IQGAP1: variants seen among roughly 807,000 people sequenced by gnomAD.
IQGAP1 encodes the protein IQ motif containing GTPase activating protein 1.
In IQGAP1, 66 loss-of-function variants were observed where a neutral mutation model predicts 215.6. The ratio of observed to expected loss-of-function variants is 0.31; its 90% CI spans 0.25 to 0.38. The LOEUF (loss-of-function observed/expected upper bound fraction) is 0.38, where lower values mean the gene tolerates loss of function less well. Ranked by LOEUF, IQGAP1 falls within the 10% of genes least tolerant of loss-of-function variation. The probability of loss-of-function intolerance (pLI) is 1.00; values close to 1 mark genes in which losing one functional copy is unlikely to be tolerated. For missense variants in IQGAP1, 1,712 were observed against 1,997.1 expected (o/e 0.86, Z 2.72); for synonymous variants, 772 against 728.7 (o/e 1.06, Z -0.96).
intron 15 of IQGAP1, among the ~76,000 whole-genome samples, chr15:90,457,760 T>A (rs1965706263): frequency 6.6e-6 from 1 of 152,134 alleles, no homozygotes; most frequent in African/African-American, 2.4e-5. Context: ...AGTGCTTCTA[T>A]GAATTTTTAA....
chr15:90,425,986 G>A (rs1330660743), intron 2 of IQGAP1, 124 bp from the exon 3 acceptor site: 1 of 872,598 alleles, frequency 1.1e-6, no homozygotes, highest in Non-Finnish European at 1.7e-6. Flanking sequence ...GGAACTGATT[G>A]TAAAAGAGTG....
chr15:90,455,783 C>T (rs1281153845), intron 14 of IQGAP1, among the ~76,000 whole-genome samples: 1 of 152,128 alleles, frequency 6.6e-6, no homozygotes, highest in Admixed American at 6.5e-5. Context: ...TTTAAGAACC[C>T]TTGAACCTTT....
At chr15:90,473,842 T>C (rs773761727) in intron 20 of IQGAP1, 44 bp downstream of exon 20, 12 of 1,609,978 alleles carry the variant, frequency 7.5e-6, no homozygotes, top group South Asian at 3.3e-5. Flanking sequence ...GGCACAGGTA[T>C]AACACGTGTT....
chr15:90,429,739 A>G, intron 4 of IQGAP1, 73 bp downstream of exon 4: 2 of 853,162 alleles, frequency 2.3e-6, no homozygotes, highest in Non-Finnish European at 3.7e-6. Context: ...ACCTGTTCTC[A>G]TTCTACCTGT....
chr15:90,479,723 T>C (rs993080497), intron 26 of IQGAP1, among the ~76,000 whole-genome samples: 4 of 152,016 alleles, frequency 2.6e-5, no homozygotes, highest in Admixed American at 2.6e-4. Flanking sequence ...TCCATCCTGG[T>C]TGACAAAAAA....
chr15:90,419,842 C>T (rs989085050), intron 2 of IQGAP1, among the ~76,000 whole-genome samples: 2 of 152,192 alleles, frequency 1.3e-5, no homozygotes, highest in Admixed American at 6.5e-5. Context: ...CCATTTCAGG[C>T]TGGTCAGACC....
At chr15:90,425,985 T>A (rs1965215657) in intron 2 of IQGAP1, 125 bp from the exon 3 acceptor site, 7 of 853,478 alleles carry the variant, frequency 8.2e-6, no homozygotes, top group South Asian at 2.1e-5. Flanking sequence ...TGGAACTGAT[T>A]GTAAAAGAGT....
intron 2 of IQGAP1, among the ~76,000 whole-genome samples, chr15:90,417,692 G>A (rs1167057921): frequency 1.3e-5 from 2 of 152,176 alleles, no homozygotes; most frequent in African/African-American, 2.4e-5. Flanking sequence ...TCTTGGCAAT[G>A]CGGGCTCTTT....
chr15:90,474,574 C>T lies in IQGAP1; in HGVS notation c.2665C>T (p.Leu889Phe). Residue 889 changes from leucine to phenylalanine, a missense_variant, in exon 23 of 38, where the codon CTT becomes TTT. By Grantham distance (22) the Leu-to-Phe change is conservative (BLOSUM62 0). This residue lies in a region of IQGAP1 where 1,021 missense variants were observed against 1,074.2 expected (regional missense o/e 0.95). Coordinates refer to ENST00000268182, the MANE Select transcript of IQGAP1 (RefSeq NM_003870.4). ...SDQDFQEELD[L>F]MKMREEVITL... ...CCAGGATTTTCAGGAGGAGCTTGACCTTATGAAGATGCGGGAAGAGGTTAT... is the reference window on the plus strand; with the variant it reads ...CCAGGATTTTCAGGAGGAGCTTGACTTTATGAAGATGCGGGAAGAGGTTAT... 1.2e-6 allele frequency: 2 copies of T among 1,614,138 alleles called. No individual in the cohort carries two copies. Among genetic ancestry groups the T allele is most frequent in the Non-Finnish European group, 1.7e-6 (2 of 1,180,002 alleles).
rs756199960 is a variant in IQGAP1 at position 90,388,356 on chromosome 15, C to T, written c.15C>T (p.Asp5=). Residue 5 remains aspartate, a synonymous_variant, in exon 1 of 38, where the codon GAC becomes GAT. Coordinates refer to ENST00000268182, the MANE Select transcript of IQGAP1 (RefSeq NM_003870.4). ...GCTCGTCCGCCATGTCCGCCGCAGA[C>T]GAGGTTGACGGGCTGGGCGTGGCCC... The part of the protein sequence containing the change: MSAA[D]EVDGLGVARP... 6.3e-7 allele frequency: 1 copy of T among 1,594,970 alleles called. No homozygotes were observed. Among genetic ancestry groups the T allele is most frequent in the Non-Finnish European group, 8.5e-7 (1 of 1,172,156 alleles).
intron 5 of IQGAP1, among the ~76,000 whole-genome samples, chr15:90,434,634 C>T (rs1230708422): frequency 6.6e-6 from 1 of 152,006 alleles, no homozygotes; most frequent in African/African-American, 2.4e-5. Context: ...GGTGGGATGG[C>T]ATATTAGTAG....
At chr15:90,404,585 T>C (rs1458982763) in intron 2 of IQGAP1, among the ~76,000 whole-genome samples, 2 of 152,198 alleles carry the variant, frequency 1.3e-5, no homozygotes, top group Non-Finnish European at 2.9e-5. Flanking sequence ...GTTATAAATA[T>C]TCATTCCACT....
At chr15:90,441,396 G>A in intron 7 of IQGAP1, 110 bp from the exon 8 acceptor site, 2 of 894,160 alleles carry the variant, frequency 2.2e-6, no homozygotes, top group Non-Finnish European at 3.4e-6. Flanking sequence ...GTGAAAAGGA[G>A]CCTCTGTCTC....
chr15:90,487,952 G>A (rs981968562), intron 33 of IQGAP1, among the ~76,000 whole-genome samples: 1 of 152,194 alleles, frequency 6.6e-6, no homozygotes, highest in East Asian at 1.9e-4. Flanking sequence ...GCCGGGCATG[G>A]TGGCTCATGC....
chr15:90,435,839 G>A lies in IQGAP1; in HGVS notation c.467+2044G>A, dbSNP rs1482908293. Among the ~76,000 whole-genome samples, 8 of 152,164 alleles carry A rather than the reference G, an allele frequency of 5.3e-5. No individual in the cohort carries two copies. In the South Asian group the frequency reaches 8.3e-4, roughly 16 times the overall value. ...AAGTATATATAGAGCAGTGTGTTTC[G>A]TGATTTATGGTTTCTTTTTTATGGT... On this transcript the variant is annotated intron_variant, in intron 5 of 37. Transcript: ENST00000268182.
Position 90,486,143 on chromosome 15 carries a change from A to G in IQGAP1, c.4024+11A>G, listed in dbSNP as rs764820221. 1.9e-6 allele frequency: 3 copies of G among 1,596,160 alleles called. No homozygotes were observed. The highest frequency in any genetic ancestry group is 2.2e-5 in the East Asian group (1 of 44,750). On this transcript the variant is annotated intron_variant, in intron 31 of 37. Coordinates refer to ENST00000268182, the MANE Select transcript of IQGAP1 (RefSeq NM_003870.4). ...TCGAGTCCCTGATAGGTAGAGTTCT[A>G]ACTTTTGCCTGGAAGATCAAAAGGG...
Position 90,486,949 on chromosome 15 carries a change from T to C in IQGAP1, c.4025-5T>C, listed in dbSNP as rs773138983. 10 of 1,613,640 alleles carry C rather than the reference T, an allele frequency of 6.2e-6. No homozygotes were observed. The Admixed American group carries it at 1.7e-4, about 27-fold the overall frequency. ...CTGACTCTTTCCACCCTCCCAAAAC[T>C]TCAGGGGAAAGCTCTGGCAATTTAA... is the stretch of plus-strand genomic sequence containing the variant. On this transcript the variant is annotated splice_polypyrimidine_tract_variant and splice_region_variant and intron_variant, in intron 31 of 37. Transcript: ENST00000268182.
chr15:90,482,348 T>C lies in IQGAP1; in HGVS notation c.3555+67T>C, dbSNP rs1008771630. 2.7e-6 allele frequency: 4 copies of C among 1,463,532 alleles called. No homozygotes were observed. The African/African-American group carries it at 4.2e-5, about 15-fold the overall frequency. 90.7% of individuals were successfully genotyped at this position (1,463,532 alleles called of 1,614,324 possible). A position where few individuals can be genotyped will look rare whatever the true frequency, so the allele number is the denominator to read the frequency against. On this transcript the variant is annotated intron_variant, in intron 28 of 37. Coordinates refer to ENST00000268182, the MANE Select transcript of IQGAP1 (RefSeq NM_003870.4). ...AAAGCAATAAAACCAGGGCTGACCA[T>C]AGATCATTACTAACTGCCTAAGTGT...
chr15:90,439,302 G>A (rs1249843952), intron 5 of IQGAP1, 30 bp from the exon 6 acceptor site: 2 of 1,595,256 alleles, frequency 1.3e-6, no homozygotes, highest in African/African-American at 1.3e-5. Context: ...CAGCTGGGAG[G>A]CCTAACCTTT....
Sources: allele counts gnomAD v4.1 joint callset (sites outside exome capture counted in the v4.1 genomes callset), GRCh38; gene constraint gnomAD v4.1.1; regional missense constraint gnomAD v4.1.1; transcripts MANE v1.5; gene names NCBI Gene and HGNC (gene_info 2026-07-23, HGNC 2026-07-21).